Variants in ELF2 observed in about 807,000 individuals in gnomAD.
ELF2 encodes the protein ETS-related transcription factor Elf-2.
Under a neutral mutation model 54.8 loss-of-function variants are expected in ELF2, and 11 were observed. The observed-to-expected ratio is 0.20, with a 90% CI of 0.13 to 0.33. The LOEUF (loss-of-function observed/expected upper bound fraction) is 0.33. ELF2 is among the 10% of genes least tolerant of loss of function. The pLI is 1.00. For missense variants in ELF2, 513 were observed against 703.0 expected, an observed-to-expected ratio of 0.73 and a Z score of 3.06; for synonymous variants, 203 against 245.1, an observed-to-expected ratio of 0.83 and a Z score of 1.61.
chr4:139,159,117 C>G (rs1740841426), intron 1 of ELF2, among the ~76,000 whole-genome samples: 1 of 152,104 alleles, frequency 6.6e-6, no homozygotes. Flanking sequence ...AGGTCTCTAT[C>G]CATCCAGTGA....
rs1429073658 is a variant in ELF2, at chr4:139,060,578, A to C, written c.903T>G (p.Asp301Glu). Reference sequence around the variant, plus strand: ...CTTCATTACAGGTTTCACTTTTGTCATCATCTATGACCACTATGTTTTTCG... The same window carrying C: ...CTTCATTACAGGTTTCACTTTTGTCCTCATCTATGACCACTATGTTTTTCG... ...DMPKNIVVID[D>E]DKSETCNEDL... The change falls in exon 9 of 10, where the codon GAT (aspartate) becomes GAG (glutamate). Residue 301 changes from aspartate (D) to glutamate (E), a missense_variant. By Grantham distance (45) the Asp-to-Glu change is conservative. This residue lies in a region of ELF2 where 291 missense variants were observed against 366.1 expected (regional missense o/e 0.79). Transcript: ENST00000686138. 2.5e-6 allele frequency: 4 copies of C among 1,614,030 alleles called. No individual in the cohort carries two copies. The highest frequency in any genetic ancestry group is 3.4e-6 in the Non-Finnish European group (4 of 1,180,040).
At chr4:139,063,694 G>A (rs1357703953) in intron 7 of ELF2, among the ~76,000 whole-genome samples, 1 of 152,046 alleles carries the variant, frequency 6.6e-6, no homozygotes, top group East Asian at 1.9e-4. Flanking sequence ...AACAATATAA[G>A]ATCTATCACA....
At chr4:139,121,392 A>G (rs183669742) in intron 4 of ELF2, among the ~76,000 whole-genome samples, 1,621 of 151,486 alleles carry the variant, frequency 0.011, 17 homozygotes, top group Middle Eastern at 0.028. Context: ...ACAGGTGTGA[A>G]CCACCATGCC....
chr4:139,155,765 G>A (rs1302316050), intron 1 of ELF2, among the ~76,000 whole-genome samples: 2 of 152,236 alleles, frequency 1.3e-5, no homozygotes, highest in East Asian at 3.9e-4. Context: ...ATGAGAATGA[G>A]GTCGTTTTGA....
chr4:139,064,442 C>T (rs1728379845), intron 7 of ELF2, among the ~76,000 whole-genome samples: 1 of 152,214 alleles, frequency 6.6e-6, no homozygotes, highest in Non-Finnish European at 1.5e-5. Flanking sequence ...GCTTCCAAAA[C>T]AAGCCAGCAC....
chr4:139,125,107 G>A, intron 4 of ELF2, 57 bp downstream of exon 4: 1 of 1,563,888 alleles, frequency 6.4e-7, no homozygotes, highest in South Asian at 1.2e-5. Context: ...CAATAGTATT[G>A]TTGAAGCTTA....
In ELF2 at chr4:139,147,094, A is replaced by G. The variant is rs115739260; in HGVS notation, c.-251-7597T>C. On this transcript the variant is annotated intron_variant, in intron 1 of 9. Coordinates refer to ENST00000686138, the MANE Select transcript of ELF2 (RefSeq NM_001331036.3). ...ATAATCAGCATCATCATCAGAGTAA[A>G]GAGACAACCCACAGAATGGGAGAAA... Among the ~76,000 whole-genome samples the G allele has an allele frequency of 1.5e-3, 235 of 152,356 alleles. 2 individuals carry two copies. The highest frequency in any genetic ancestry group is 5.6e-3 in the African/African-American group (231 of 41,592).
At chr4:139,175,124 T>C (rs1378631835) in intron 1 of ELF2, among the ~76,000 whole-genome samples, 1 of 152,220 alleles carries the variant, frequency 6.6e-6, no homozygotes, top group Non-Finnish European at 1.5e-5. Flanking sequence ...ATGTGAATTA[T>C]ATCATCGTGA....
At chr4:139,115,157 C>T in intron 4 of ELF2, 1 of 1,613,128 alleles carries the variant, frequency 6.2e-7, no homozygotes, top group Non-Finnish European at 8.5e-7. Context: ...AGGATCCACT[C>T]CTCTAGGTTG....
intron 1 of ELF2, among the ~76,000 whole-genome samples, chr4:139,173,749 C>T (rs1415385772): frequency 7.2e-6 from 1 of 138,148 alleles, no homozygotes; most frequent in Non-Finnish European, 1.5e-5. Context: ...CACAGCGAGA[C>T]TCCGTCTCAA....
chr4:139,085,495 C>T (rs573128045), intron 4 of ELF2, among the ~76,000 whole-genome samples: 23 of 152,194 alleles, frequency 1.5e-4, no homozygotes, highest in Admixed American at 1.4e-3. Flanking sequence ...AATATTAATG[C>T]GATATCATCT....
At chr4:139,060,879 A>G (rs1727737245) in intron 8 of ELF2, among the ~76,000 whole-genome samples, 2 of 152,246 alleles carry the variant, frequency 1.3e-5, no homozygotes, top group African/African-American at 2.4e-5. Context: ...ACCTGGGGCC[A>G]AGGTCCTACA....
chr4:139,173,462 A>C (rs1482476918), intron 1 of ELF2, among the ~76,000 whole-genome samples: 2 of 152,032 alleles, frequency 1.3e-5, no homozygotes, highest in Non-Finnish European at 2.9e-5. Flanking sequence ...CTCATCAATA[A>C]AAAAAATGAT....
At position 139,137,638 on chromosome 4, in the gene ELF2, T is replaced by C. The variant is rs143646280; in HGVS notation, c.64A>G (p.Asn22Asp). The C allele has an allele frequency of 1.2e-6, 2 of 1,614,020 alleles. No homozygotes were observed. The highest frequency in any genetic ancestry group is 4.5e-5 in the East Asian group (2 of 44,854). ...ILELSSNGVE[N>D]QEESEKVSEY... is the part of the protein sequence containing the mutation. ...TTCATTGAATGCCTAACCTCTTGAT[T>C]TTCTACTCCATTGCTGGAAAGCTCC... Residue 22 changes from asparagine (N) to aspartate (D), a missense_variant, in exon 3 of 10, where the codon AAT becomes GAT. Transcript: ENST00000686138.
intron 1 of ELF2, among the ~76,000 whole-genome samples, chr4:139,170,234 T>G (rs754587522): frequency 6.7e-6 from 1 of 150,186 alleles, no homozygotes; most frequent in Non-Finnish European, 1.5e-5. Context: ...TTTAAACTAA[T>G]TACACTTTAA....
At chr4:139,061,593 T>C (rs140234347) in intron 8 of ELF2, among the ~76,000 whole-genome samples, 105 of 152,356 alleles carry the variant, frequency 6.9e-4, no homozygotes, top group African/African-American at 2.1e-3. Flanking sequence ...TTAATTTTTT[T>C]TTAAGCCTAC....
intron 4 of ELF2, among the ~76,000 whole-genome samples, chr4:139,118,882 T>G (rs1025942785): frequency 2.0e-5 from 3 of 152,178 alleles, no homozygotes; most frequent in Non-Finnish European, 4.4e-5. Flanking sequence ...CAACCCTGAA[T>G]TCCTATTTTC....
chr4:139,106,829 C>T (rs1734466828), intron 4 of ELF2, among the ~76,000 whole-genome samples: 2 of 150,486 alleles, frequency 1.3e-5, no homozygotes, highest in South Asian at 2.1e-4. Context: ...CTGCAACCTC[C>T]GCCTGCCAGG....
At chr4:139,073,148 C>T (rs1164243337) in intron 5 of ELF2, among the ~76,000 whole-genome samples, 1 of 152,142 alleles carries the variant, frequency 6.6e-6, no homozygotes, top group Non-Finnish European at 1.5e-5. Flanking sequence ...CTATCATACT[C>T]TGAAGGACTA....
Sources: allele counts gnomAD v4.1 joint callset (sites outside exome capture counted in the v4.1 genomes callset), GRCh38; gene constraint gnomAD v4.1.1; regional missense constraint gnomAD v4.1.1; transcripts MANE v1.5; gene names NCBI Gene and HGNC (gene_info 2026-07-23, HGNC 2026-07-21).